The following PSMD7 variants were observed in gnomAD, a reference collection of about 807,000 sequenced individuals.
PSMD7 encodes the protein proteasome 26S subunit, non-ATPase 7.
PSMD7 carries 13 observed loss-of-function variants against 36.4 expected under a neutral mutation model. The ratio of observed to expected loss-of-function variants is 0.36; its 90% CI spans 0.23 to 0.57. The LOEUF (loss-of-function observed/expected upper bound fraction) is 0.57. PSMD7 is among the 20% of genes least tolerant of loss of function. The pLI is 0.83. For synonymous variants in PSMD7, 186 were observed against 151.0 expected (o/e 1.23, Z -1.70); for missense variants, 298 against 393.6 (o/e 0.76, Z 2.06).
intron 5 of PSMD7, chr16:74,304,079 C>T (rs144639916): frequency 2.9e-5 from 12 of 414,272 alleles, no homozygotes; most frequent in East Asian, 2.7e-4. Flanking sequence ...TTTTTCTCAA[C>T]GCACAGTGCC....
At position 74,302,198 on chromosome 16, in the gene PSMD7, T is replaced by C. The variant is rs1344367544; in HGVS notation, c.358-14T>C. ...GGGCGTGAGATGACTTGCTAAGATG[T>C]GTTTCTCTGCCAGGTATTGGTCATC... On this transcript the variant is annotated splice_polypyrimidine_tract_variant and intron_variant, in intron 4 of 6. Transcript: ENST00000219313. 3 of 1,611,726 alleles carry C rather than the reference T, an allele frequency of 1.9e-6. No homozygotes were observed. The highest frequency in any genetic ancestry group is 1.7e-4 in the Middle Eastern group (1 of 6,056).
At chr16:74,298,109 G>A (rs1005605317) in intron 1 of PSMD7, among the ~76,000 whole-genome samples, 7 of 137,272 alleles carry the variant, frequency 5.1e-5, no homozygotes, top group African/African-American at 1.9e-4. Context: ...CGTGAGCTGA[G>A]ATCATGCCAC....
intron 1 of PSMD7, among the ~76,000 whole-genome samples, 173 bp downstream of exon 1, chr16:74,297,161 C>T (rs1245165448): frequency 1.3e-5 from 2 of 152,264 alleles, no homozygotes; most frequent in Non-Finnish European, 2.9e-5. Context: ...AGTCATCCAG[C>T]CTCCCGCCCC....
intron 1 of PSMD7, among the ~76,000 whole-genome samples, chr16:74,298,905 A>T (rs1462896702): frequency 6.6e-6 from 1 of 152,106 alleles, no homozygotes; most frequent in Admixed American, 6.5e-5. Context: ...CTTCTCTATC[A>T]AGTAAGTGTA....
intron 1 of PSMD7, among the ~76,000 whole-genome samples, chr16:74,298,457 G>A (rs2034131273): frequency 6.6e-6 from 1 of 152,182 alleles, no homozygotes; most frequent in African/African-American, 2.4e-5. Flanking sequence ...TCCGGAAAAG[G>A]ACCCTCAGCC....
At chr16:74,304,489 C>G (rs1158568949) in intron 6 of PSMD7, 95 bp downstream of exon 6, 12 of 1,074,934 alleles carry the variant, frequency 1.1e-5, no homozygotes, top group Admixed American at 4.3e-5. Flanking sequence ...GACCTGGGGT[C>G]TCGTCCTGGC....
intron 5 of PSMD7, among the ~76,000 whole-genome samples, chr16:74,303,735 T>A (rs1389524601): frequency 2.0e-5 from 3 of 152,158 alleles, no homozygotes; most frequent in African/African-American, 7.2e-5. Flanking sequence ...ATACTTTTTT[T>A]TTTTTTAAGA....
At chr16:74,302,916 T>C (rs543866826) in intron 5 of PSMD7, among the ~76,000 whole-genome samples, 1 of 152,374 alleles carries the variant, frequency 6.6e-6, no homozygotes, top group South Asian at 2.1e-4. Flanking sequence ...GAGCTCTGTC[T>C]TCCTGGGGCT....
intron 1 of PSMD7, 88 bp downstream of exon 1, chr16:74,297,076 C>G (rs1005939389): frequency 1.4e-6 from 2 of 1,418,826 alleles, no homozygotes; most frequent in African/African-American, 2.8e-5. Context: ...CGCGGACGAG[C>G]TGGGGACGCA....
chr16:74,302,330 C>T (rs986135107), intron 5 of PSMD7, 38 bp downstream of exon 5: 37 of 1,511,026 alleles, frequency 2.4e-5, no homozygotes, highest in Non-Finnish European at 3.2e-5. Flanking sequence ...GGTTAGACTG[C>T]TACTTATTGG....
At chr16:74,297,045 C>G (rs577560947) in intron 1 of PSMD7, 57 bp downstream of exon 1, 1 of 1,568,106 alleles carries the variant, frequency 6.4e-7, no homozygotes, top group East Asian at 2.3e-5. Flanking sequence ...GTCACGGGCA[C>G]GCTGGAGATG....
At chr16:74,304,067 G>C (rs544226845) in intron 5 of PSMD7, 1 of 392,666 alleles carries the variant, frequency 2.5e-6, no homozygotes. Flanking sequence ...GGAATTTCCA[G>C]ATTTTTCTCA....
chr16:74,303,091 G>T (rs1000912779), intron 5 of PSMD7, among the ~76,000 whole-genome samples: 7 of 152,188 alleles, frequency 4.6e-5, no homozygotes, highest in Non-Finnish European at 1.0e-4. Flanking sequence ...AGTGAAGCAA[G>T]GTGTTTTTAG....
intron 3 of PSMD7, 77 bp downstream of exon 3, chr16:74,301,221 A>G: frequency 3.2e-6 from 3 of 949,444 alleles, no homozygotes; most frequent in Non-Finnish European, 4.9e-6. Context: ...GCTTTTCTTT[A>G]ACATCAAGGG....
At position 74,305,797 on chromosome 16, in the gene PSMD7, G is replaced by A; in HGVS notation, c.*64G>A. ...ATCTTACAAACTAAATCAGTGTGCTGCTAGAGGGTTCTTTTTCACTTGACA... is the reference window on the plus strand; with the variant it reads ...ATCTTACAAACTAAATCAGTGTGCTACTAGAGGGTTCTTTTTCACTTGACA... On this transcript the variant is annotated 3_prime_UTR_variant, in exon 7 of 7. Transcript: ENST00000219313. The A allele has an allele frequency of 1.4e-6, 2 of 1,379,808 alleles. No individual in the cohort carries two copies. The highest frequency in any genetic ancestry group is 6.5e-5 in the Admixed American group (2 of 30,698). The allele number at this position is 1,379,808 out of a possible 1,614,324, so 85.5% of individuals were successfully genotyped here.
chr16:74,301,266 G>A (rs766080983), intron 3 of PSMD7, 122 bp downstream of exon 3: 15 of 692,572 alleles, frequency 2.2e-5, no homozygotes, highest in Non-Finnish European at 3.4e-5. Flanking sequence ...TAAGACTAGT[G>A]GTAGTAGAGG....
At position 74,302,309 on chromosome 16, in the gene PSMD7, T is replaced by G; in HGVS notation, c.438+17T>G. On this transcript the variant is annotated intron_variant, in intron 5 of 6. Transcript: ENST00000219313. Reference sequence around the variant, plus strand: ...GTCCATGATGTAAGTCATCTTGCTATGAACCTGGGAGGTTAGACTGCTACT... The same window carrying G: ...GTCCATGATGTAAGTCATCTTGCTAGGAACCTGGGAGGTTAGACTGCTACT... 1 of 1,608,450 alleles carries G rather than the reference T, an allele frequency of 6.2e-7. No homozygotes were observed. The highest frequency in any genetic ancestry group is 8.5e-7 in the Non-Finnish European group (1 of 1,175,856).
At chr16:74,297,569 A>G (rs1021143532) in intron 1 of PSMD7, among the ~76,000 whole-genome samples, 1 of 151,946 alleles carries the variant, frequency 6.6e-6, no homozygotes, top group African/African-American at 2.4e-5. Context: ...GCCCCGCCCC[A>G]AGGCTATGTT....
intron 2 of PSMD7, chr16:74,300,481 C>A (rs2034147319): frequency 6.7e-6 from 3 of 447,650 alleles, no homozygotes; most frequent in African/African-American, 3.9e-5. Context: ...TGGCAGTATT[C>A]CAGCAAACCT....
Sources: gnomAD v4.1 joint callset for allele counts (sites outside exome capture counted in the v4.1 genomes callset) on GRCh38, gnomAD v4.1.1 for gene constraint, MANE v1.5 for transcripts, NCBI Gene and HGNC (gene_info 2026-07-23, HGNC 2026-07-21) for gene names.